KCNMA1: variants seen among roughly 807,000 people sequenced by gnomAD.
KCNMA1 encodes the protein Calcium-activated potassium channel subunit alpha-1.
In KCNMA1, 29 loss-of-function variants were observed where a neutral mutation model predicts 140.0. That is an observed-to-expected ratio of 0.21 (90% CI 0.15 to 0.28). The LOEUF (loss-of-function observed/expected upper bound fraction) is 0.28. Ranked by LOEUF, KCNMA1 falls within the 10% of genes least tolerant of loss-of-function variation. KCNMA1 has a pLI of 1.00. For missense variants in KCNMA1, 880 were observed against 1,602.2 expected (o/e 0.55, Z 7.70); for synonymous variants, 612 against 611.9 (o/e 1.00, Z 0.00).
chr10:77,365,444 A>T (rs899132037), intron 2 of KCNMA1, among the ~76,000 whole-genome samples: 1 of 152,224 alleles, frequency 6.6e-6, no homozygotes, highest in African/African-American at 2.4e-5. Context: ...TGAATTCCAG[A>T]TGTTATGATC....
At chr10:77,523,444 A>G (rs545986944) in intron 1 of KCNMA1, among the ~76,000 whole-genome samples, 1 of 152,348 alleles carries the variant, frequency 6.6e-6, no homozygotes, top group African/African-American at 2.4e-5. Context: ...CAGAAGCTAA[A>G]ACATAGGGAA....
intron 9 of KCNMA1, among the ~76,000 whole-genome samples, chr10:77,095,384 C>T (rs2096906148): frequency 6.6e-6 from 1 of 152,110 alleles, no homozygotes; most frequent in African/African-American, 2.4e-5. Flanking sequence ...ATAAAAGATC[C>T]ACCTCAGAAA....
intron 19 of KCNMA1, among the ~76,000 whole-genome samples, chr10:76,973,766 A>T (rs7073501): frequency 0.016 from 2,413 of 152,252 alleles, 34 homozygotes; most frequent in African/African-American, 0.028. Context: ...CTAGATTTTT[A>T]AAAAAAGAAA....
rs146382394 is a variant in KCNMA1 at position 77,421,628 on chromosome 10, T to C, written c.379-17605A>G. 2.3e-3 allele frequency among the ~76,000 whole-genome samples: 346 copies of C among 152,372 alleles called. 2 individuals carry two copies. The highest frequency in any genetic ancestry group is 7.9e-3 in the African/African-American group (329 of 41,592). The stretch of plus-strand genomic sequence containing the variant: ...ACATTGAAATCAGAATTTCATACCA[T>C]TTCATGTTTCATGAAATATTCTTCA... On this transcript the variant is annotated intron_variant, in intron 1 of 27. Coordinates refer to ENST00000286628, the MANE Select transcript of KCNMA1 (RefSeq NM_001161352.2).
chr10:77,215,594 A>G (rs2047483546), intron 3 of KCNMA1, among the ~76,000 whole-genome samples: 1 of 152,208 alleles, frequency 6.6e-6, no homozygotes, highest in African/African-American at 2.4e-5. Context: ...ATAAGGGCCA[A>G]GATGAAAGCC....
chr10:77,468,243 TCAGGGGATTCTGTCAGAAC>T (rs2098076785), intron 1 of KCNMA1, among the ~76,000 whole-genome samples: 1 of 152,130 alleles, frequency 6.6e-6, no homozygotes, highest in African/African-American at 2.4e-5. Flanking sequence ...GTCAGAACTG[TCAGGGGATTCTGTCAGAAC>T]CAGGGGATTC....
At chr10:76,961,237 T>C (rs912077145) in intron 20 of KCNMA1, among the ~76,000 whole-genome samples, 1 of 151,560 alleles carries the variant, frequency 6.6e-6, no homozygotes, top group South Asian at 2.1e-4. Flanking sequence ...CCAACCCTCA[T>C]GGATGACTTT....
At chr10:77,134,047 G>A (rs1037563295) in intron 5 of KCNMA1, among the ~76,000 whole-genome samples, 3 of 152,126 alleles carry the variant, frequency 2.0e-5, no homozygotes, top group African/African-American at 7.2e-5. Context: ...ATCATGCAAT[G>A]ATGGACCTCA....
intron 7 of KCNMA1, among the ~76,000 whole-genome samples, chr10:77,111,769 C>A (rs1045573950): frequency 6.6e-6 from 1 of 152,164 alleles, no homozygotes; most frequent in African/African-American, 2.4e-5. Flanking sequence ...TTGTAACAGT[C>A]TATGTTTGCA....
intron 1 of KCNMA1, among the ~76,000 whole-genome samples, chr10:77,508,576 C>T (rs201404969): frequency 4.1e-4 from 37 of 90,968 alleles, no homozygotes; most frequent in African/African-American, 9.5e-4. Context: ...TTTTTTTTTT[C>T]TTTTCTTTTT....
intron 1 of KCNMA1, among the ~76,000 whole-genome samples, chr10:77,612,800 C>T (rs1044652725): frequency 6.6e-6 from 1 of 152,122 alleles, no homozygotes; most frequent in African/African-American, 2.4e-5. Flanking sequence ...ACCTCCTCAC[C>T]TCCCTGACAC....
chr10:77,244,009 T>A (rs769299877), intron 3 of KCNMA1, among the ~76,000 whole-genome samples: 1 of 152,190 alleles, frequency 6.6e-6, no homozygotes, highest in Non-Finnish European at 1.5e-5. Context: ...GGCCCTAAAG[T>A]TTCCCCCATG....
intron 20 of KCNMA1, among the ~76,000 whole-genome samples, chr10:76,967,454 G>A (rs1472413836): frequency 6.6e-6 from 1 of 152,162 alleles, no homozygotes; most frequent in African/African-American, 2.4e-5. Context: ...AGCAAAAATG[G>A]ACCCATGACT....
chr10:77,079,149 A>G (rs902428942), intron 13 of KCNMA1, among the ~76,000 whole-genome samples: 1 of 152,184 alleles, frequency 6.6e-6, no homozygotes, highest in Non-Finnish European at 1.5e-5. Context: ...GCATGCCTGT[A>G]ATCCCAGCTA....
At chr10:77,458,496 G>T (rs2097796113) in intron 1 of KCNMA1, among the ~76,000 whole-genome samples, 3 of 152,218 alleles carry the variant, frequency 2.0e-5, no homozygotes. Flanking sequence ...TCAACTCCCT[G>T]TTATGGTGGG....
At chr10:77,487,588 A>T (rs910375055) in intron 1 of KCNMA1, among the ~76,000 whole-genome samples, 48 of 152,210 alleles carry the variant, frequency 3.2e-4, no homozygotes, top group Non-Finnish European at 1.5e-4. Flanking sequence ...TAATTAGATT[A>T]AATGGTCATT....
intron 2 of KCNMA1, among the ~76,000 whole-genome samples, chr10:77,311,023 G>C (rs612797): frequency 0.63 from 95,562 of 151,768 alleles, 30,571 homozygotes; most frequent in Non-Finnish European, 0.67. Flanking sequence ...CACCATTTTT[G>C]GCCACAGCTG....
In KCNMA1 at chr10:76,913,882, G is replaced by T. The variant is rs2395444; in HGVS notation, c.3016+1054C>A. On this transcript the variant is annotated intron_variant, in intron 24 of 27. Transcript: ENST00000286628. ...TGTGGGGAAAAAATCATTAAGAAAGGCCAGAACAAGACAGTCGATTCCAAC... is the reference window on the plus strand; with the variant it reads ...TGTGGGGAAAAAATCATTAAGAAAGTCCAGAACAAGACAGTCGATTCCAAC... 0.77 allele frequency: 451,746 copies of T among 585,864 alleles called. 179,673 individuals carry two copies. The highest frequency in any genetic ancestry group is 0.87 in the South Asian group (38,782 of 44,642). The allele number at this position is 585,864 out of a possible 1,614,324, so 36.3% of individuals were successfully genotyped here. A position where few individuals can be genotyped will look rare whatever the true frequency, so the allele number is the denominator to read the frequency against.
chr10:77,155,070 TGCAGGAGAAG>T (rs1383554613), intron 5 of KCNMA1, among the ~76,000 whole-genome samples: 2 of 151,880 alleles, frequency 1.3e-5, no homozygotes, highest in African/African-American at 2.4e-5. Flanking sequence ...GCCTGGGGGG[TGCAGGAGAAG>T]GCAGAAGCTC....
Sources: gnomAD v4.1 joint callset for allele counts (sites outside exome capture counted in the v4.1 genomes callset) on GRCh38, gnomAD v4.1.1 for gene constraint, MANE v1.5 for transcripts, NCBI Gene and HGNC (gene_info 2026-07-23, HGNC 2026-07-21) for gene names.